MAP7: variants seen among roughly 807,000 people sequenced by gnomAD.
MAP7 encodes the protein microtubule associated protein 7.
Under a neutral mutation model 94.8 loss-of-function variants are expected in MAP7, and 52 were observed. The ratio of observed to expected loss-of-function variants is 0.55; its 90% CI spans 0.44 to 0.69. MAP7 has a LOEUF of 0.69. MAP7 is among the 30% of genes least tolerant of loss of function. The pLI is 0.00. For missense variants in MAP7, 940 were observed against 964.6 expected, an observed-to-expected ratio of 0.97 and a Z score of 0.34; for synonymous variants, 350 against 357.0, an observed-to-expected ratio of 0.98 and a Z score of 0.22.
chr6:136,400,145 G>A (rs1044608201), intron 3 of MAP7, among the ~76,000 whole-genome samples: 1 of 152,118 alleles, frequency 6.6e-6, no homozygotes, highest in African/African-American at 2.4e-5. Flanking sequence ...GGCTGGGTGT[G>A]GTGGCTCACG....
chr6:136,461,391 C>G (rs1302656671), intron 1 of MAP7, among the ~76,000 whole-genome samples: 1 of 152,114 alleles, frequency 6.6e-6, no homozygotes, highest in African/African-American at 2.4e-5. Flanking sequence ...GATCTCAAAG[C>G]AAGAAGGCTC....
intron 1 of MAP7, among the ~76,000 whole-genome samples, chr6:136,499,076 C>A (rs1000249276): frequency 6.6e-6 from 1 of 152,006 alleles, no homozygotes; most frequent in Non-Finnish European, 1.5e-5. Context: ...CGCACCACTA[C>A]GCCCTGCTAA....
chr6:136,458,351 CCAAAG>C (rs1804043170), intron 1 of MAP7, among the ~76,000 whole-genome samples: 1 of 151,996 alleles, frequency 6.6e-6, no homozygotes, highest in African/African-American at 2.4e-5. Flanking sequence ...TCCACACTAC[CCAAAG>C]CAATCTACAG....
At chr6:136,394,278 C>T (rs369806893) in intron 3 of MAP7, among the ~76,000 whole-genome samples, 10 of 152,074 alleles carry the variant, frequency 6.6e-5, no homozygotes, top group South Asian at 2.1e-4. Context: ...CCACCGCGCC[C>T]GGCCAGGAAA....
intron 1 of MAP7, among the ~76,000 whole-genome samples, chr6:136,531,636 C>G (rs1415319255): frequency 6.9e-6 from 1 of 144,264 alleles, no homozygotes; most frequent in Non-Finnish European, 1.5e-5. Flanking sequence ...GGGACAGAGA[C>G]TAGCTATGTA....
At chr6:136,414,565 A>G (rs1788731124) in intron 2 of MAP7, among the ~76,000 whole-genome samples, 2 of 152,136 alleles carry the variant, frequency 1.3e-5, no homozygotes, top group South Asian at 4.1e-4. Flanking sequence ...AAAAGTCAAG[A>G]TGAAGTTAAA....
intron 1 of MAP7, among the ~76,000 whole-genome samples, chr6:136,478,959 C>T (rs7775491): frequency 0.1 from 10,798 of 103,148 alleles, 963 homozygotes; most frequent in African/African-American, 0.28. Context: ...AGGCATGATA[C>T]CAAAATCAAA....
At chr6:136,455,284 T>G (rs1268444421) in intron 1 of MAP7, among the ~76,000 whole-genome samples, 1 of 152,114 alleles carries the variant, frequency 6.6e-6, no homozygotes, top group Non-Finnish European at 1.5e-5. Context: ...ACCAGGAAGA[T>G]AGAATAATTA....
At chr6:136,361,638 G>A (rs1487809482) in intron 11 of MAP7, among the ~76,000 whole-genome samples, 1 of 152,240 alleles carries the variant, frequency 6.6e-6, no homozygotes, top group Non-Finnish European at 1.5e-5. Context: ...CAAGATGGCG[G>A]TCCAGCGAGT....
chr6:136,392,439 A>G (rs1246009070), intron 3 of MAP7, among the ~76,000 whole-genome samples: 1 of 129,394 alleles, frequency 7.7e-6, no homozygotes, highest in Non-Finnish European at 1.6e-5. Context: ...AGACTTTTCT[A>G]TATCAACACA....
chr6:136,453,885 T>C (rs1000708261), intron 1 of MAP7, among the ~76,000 whole-genome samples: 1 of 152,228 alleles, frequency 6.6e-6, no homozygotes, highest in Non-Finnish European at 1.5e-5. Context: ...TGACTGATAC[T>C]TACATCAACA....
intron 6 of MAP7, 68 bp downstream of exon 6, chr6:136,383,603 T>C: frequency 1.2e-6 from 1 of 845,728 alleles, no homozygotes; most frequent in Non-Finnish European, 1.8e-6. Context: ...TATTTTTATC[T>C]GTAAACATCC....
intron 1 of MAP7, among the ~76,000 whole-genome samples, chr6:136,536,334 C>T (rs1828886248): frequency 6.6e-6 from 1 of 152,074 alleles, no homozygotes; most frequent in Non-Finnish European, 1.5e-5. Flanking sequence ...AAAAAATTAA[C>T]ATCTCAAAAA....
chr6:136,531,339 G>T (rs1310630092), intron 1 of MAP7, among the ~76,000 whole-genome samples: 3 of 144,728 alleles, frequency 2.1e-5, no homozygotes, highest in Non-Finnish European at 4.4e-5. Flanking sequence ...ATTCACTGAG[G>T]GTCTGTGAGC....
intron 1 of MAP7, among the ~76,000 whole-genome samples, chr6:136,492,483 A>T (rs1816923268): frequency 6.6e-6 from 1 of 152,232 alleles, no homozygotes; most frequent in Non-Finnish European, 1.5e-5. Context: ...TATGTGATTT[A>T]AAAACACATG....
intron 1 of MAP7, among the ~76,000 whole-genome samples, chr6:136,454,632 C>G (rs369923277): frequency 6.6e-6 from 1 of 151,506 alleles, no homozygotes; most frequent in Non-Finnish European, 1.5e-5. Context: ...CAGCCAGGTG[C>G]AGTGGCTCAC....
At chr6:136,490,670 A>T (rs1816299656) in intron 1 of MAP7, among the ~76,000 whole-genome samples, 1 of 152,238 alleles carries the variant, frequency 6.6e-6, no homozygotes, top group African/African-American at 2.4e-5. Flanking sequence ...ACATAGCATG[A>T]TCTTTCAGGG....
At position 136,496,979 on chromosome 6, in the gene MAP7, A is replaced by T. The variant is rs545951001; in HGVS notation, c.67+53363T>A. 6.6e-5 allele frequency among the ~76,000 whole-genome samples: 10 copies of T among 151,926 alleles called. No individual in the cohort carries two copies. In the South Asian group the frequency reaches 8.3e-4, roughly 13 times the overall value. ...AAAAAAAAAAATAAATGAATAAAATAAAGCCCATTTGATCCATAACCTAAC... is the reference window on the plus strand; with the variant it reads ...AAAAAAAAAAATAAATGAATAAAATTAAGCCCATTTGATCCATAACCTAAC... On this transcript the variant is annotated intron_variant, in intron 1 of 17. Coordinates refer to ENST00000354570, the MANE Select transcript of MAP7 (RefSeq NM_003980.6).
intron 3 of MAP7, among the ~76,000 whole-genome samples, chr6:136,408,452 C>T (rs1283188070): frequency 3.3e-5 from 5 of 152,092 alleles, no homozygotes; most frequent in African/African-American, 1.2e-4. Flanking sequence ...ACAAATATGC[C>T]ATAACACCAA....
Sources: gnomAD v4.1 joint callset for allele counts (sites outside exome capture counted in the v4.1 genomes callset) on GRCh38, gnomAD v4.1.1 for gene constraint, MANE v1.5 for transcripts, NCBI Gene and HGNC (gene_info 2026-07-23, HGNC 2026-07-21) for gene names.